The following SECISBP2 variants were observed in gnomAD, a reference collection of about 807,000 sequenced individuals.
SECISBP2 encodes selenocysteine insertion sequence-binding protein 2.
SECISBP2 carries 96 observed loss-of-function variants against 98.2 expected under a neutral mutation model. That is an observed-to-expected ratio of 0.98 (90% CI 0.83 to 1.16). SECISBP2 has a LOEUF of 1.16. Ranked by LOEUF, SECISBP2 falls within the 50% of genes most tolerant of loss-of-function variation. SECISBP2 has a pLI of 0.00. For synonymous variants in SECISBP2, 407 were observed against 370.2 expected (o/e 1.10, Z -1.14); for missense variants, 1,046 against 1,022.9 (o/e 1.02, Z -0.31).
Position 89,325,538 on chromosome 9 carries a change from C to T in SECISBP2, c.294C>T (p.Asp98=), listed in dbSNP as rs1192161278. Residue 98 remains aspartate, a synonymous_variant, in exon 3 of 17, where the codon GAC becomes GAT. Transcript: ENST00000375807. ...HPYAYSPYTL[D]STQNVYSVPG... ...ATGCCTATTCTCCTTATACCCTTGACTCCACACAGAATGTTTACTCAGTGC... is the reference window on the plus strand; with the variant it reads ...ATGCCTATTCTCCTTATACCCTTGATTCCACACAGAATGTTTACTCAGTGC... The T allele has an allele frequency of 3.7e-6, 6 of 1,614,008 alleles. No homozygotes were observed. The highest frequency in any genetic ancestry group is 5.1e-6 in the Non-Finnish European group (6 of 1,180,002).
At chr9:89,340,577 C>T (rs937345162) in intron 9 of SECISBP2, among the ~76,000 whole-genome samples, 19 of 152,182 alleles carry the variant, frequency 1.2e-4, no homozygotes, top group Non-Finnish European at 2.6e-4. Flanking sequence ...TGTGAGTTAA[C>T]TTTCAATTCA....
At chr9:89,320,988 A>G (rs772670758) in intron 2 of SECISBP2, among the ~76,000 whole-genome samples, 13 of 152,270 alleles carry the variant, frequency 8.5e-5, no homozygotes, top group Non-Finnish European at 1.8e-4. Context: ...AAGAATGAGA[A>G]TTGTAATGAA....
Position 89,334,594 on chromosome 9 carries a change from A to T in SECISBP2, c.953A>T (p.Asn318Ile), listed in dbSNP as rs757506788. 1.9e-6 allele frequency: 3 copies of T among 1,614,100 alleles called. No homozygotes were observed. The highest frequency in any genetic ancestry group is 2.2e-5 in the South Asian group (2 of 91,094). The change falls in exon 7 of 17, where the codon AAT becomes ATT. Residue 318 changes from asparagine to isoleucine, a missense_variant. Physicochemically the swap from Asn to Ile is moderately radical, Grantham distance 149. Coordinates refer to ENST00000375807, the MANE Select transcript of SECISBP2 (RefSeq NM_024077.5). ...LSTELSAAPK[N>I]VTSMINLKTI... Reference sequence around the variant, plus strand: ...ACAGAACTGTCAGCAGCCCCTAAAAATGTTACTTCTATGATAAACTTAAAG... The same window carrying T: ...ACAGAACTGTCAGCAGCCCCTAAAATTGTTACTTCTATGATAAACTTAAAG...
chr9:89,343,696 A>G (rs1205065488), intron 10 of SECISBP2, among the ~76,000 whole-genome samples: 1 of 152,250 alleles, frequency 6.6e-6, no homozygotes, highest in South Asian at 2.1e-4. Flanking sequence ...ACTGCATAGT[A>G]TTCCATGGTG....
rs750761569 is a variant in SECISBP2 at position 89,348,110 on chromosome 9, A to G, written c.1634A>G (p.Gln545Arg). The G allele has an allele frequency of 1.2e-6, 2 of 1,613,806 alleles. No homozygotes were observed. The highest frequency in any genetic ancestry group is 2.7e-5 in the African/African-American group (2 of 74,950). The change falls in exon 12 of 17, where the codon CAG (glutamine) becomes CGG (arginine). Residue 545 changes from glutamine to arginine, a missense_variant. Physicochemically the swap from Gln to Arg is conservative, Grantham distance 43. Coordinates refer to ENST00000375807, the MANE Select transcript of SECISBP2 (RefSeq NM_024077.5). ...TTGAAAGAACGGCAAGAGAGAAAGC[A>G]GCGTCTCCAAGAAAATGCTGTGAGT... ...IILKERQERK[Q>R]RLQENAVSPA...
chr9:89,330,948 A>G (rs952621332), intron 5 of SECISBP2, among the ~76,000 whole-genome samples: 21 of 152,220 alleles, frequency 1.4e-4, no homozygotes, highest in Admixed American at 1.2e-3. Context: ...AAGATAGAAG[A>G]TATACATACT....
intron 5 of SECISBP2, among the ~76,000 whole-genome samples, chr9:89,331,179 G>T (rs1827694329): frequency 6.6e-6 from 1 of 152,144 alleles, no homozygotes. Context: ...TTCACCTTGA[G>T]ATTATAAATA....
At position 89,325,530 on chromosome 9, in the gene SECISBP2, AC is replaced by A. The variant is rs1363421644; in HGVS notation, c.289del (p.Asp98ThrfsTer28). ...TLHPYAYSPY[T>X]LDSTQNVYSV... ...TCATCCATATGCCTATTCTCCTTATACCCTTGACTCCACACAGAATGTTTAC... is the reference window on the plus strand; with the variant it reads ...TCATCCATATGCCTATTCTCCTTATACCTTGACTCCACACAGAATGTTTAC... On this transcript the variant is annotated frameshift_variant, in exon 3 of 17. Coordinates refer to ENST00000375807, the MANE Select transcript of SECISBP2 (RefSeq NM_024077.5). LOFTEE classifies it high-confidence loss of function. The A allele has an allele frequency of 6.2e-7, 1 of 1,613,864 alleles. No individual in the cohort carries two copies. Among genetic ancestry groups the A allele is most frequent in the East Asian group, 2.2e-5 (1 of 44,864 alleles).
chr9:89,346,787 G>T, intron 10 of SECISBP2, 95 bp from the exon 11 acceptor site: 1 of 1,482,222 alleles, frequency 6.7e-7, no homozygotes, highest in African/African-American at 1.4e-5. Context: ...AACTCCTTCA[G>T]ATACCCTGAG....
chr9:89,346,586 TACTGAGAA>T (rs1329701769), intron 10 of SECISBP2, among the ~76,000 whole-genome samples: 11 of 137,542 alleles, frequency 8.0e-5, no homozygotes, highest in Non-Finnish European at 1.9e-4. Flanking sequence ...TATTAGACTG[TACTGAGAA>T]ACATGGGAGA....
Position 89,349,820 on chromosome 9 carries a change from G to A in SECISBP2, c.1783G>A (p.Asp595Asn). ...DELISTPSVE[D>N]KSEEPPGTEL... Reference sequence around the variant, plus strand: ...ACTGATCTCCACTCCTTCGGTTGAGGACAAGTCTGAAGAGCCACCAGGCAC... The same window carrying A: ...ACTGATCTCCACTCCTTCGGTTGAGAACAAGTCTGAAGAGCCACCAGGCAC... The change falls in exon 13 of 17, where the codon GAC becomes AAC. Residue 595 changes from aspartate to asparagine, a missense_variant. By Grantham distance (23) the Asp-to-Asn change is conservative (BLOSUM62 1). Coordinates refer to ENST00000375807, the MANE Select transcript of SECISBP2 (RefSeq NM_024077.5). 1 of 1,614,184 alleles carries A rather than the reference G, an allele frequency of 6.2e-7. No homozygotes were observed. Among genetic ancestry groups the A allele is most frequent in the Non-Finnish European group, 8.5e-7 (1 of 1,180,024 alleles).
chr9:89,337,483 T>C (rs903616127), intron 7 of SECISBP2, among the ~76,000 whole-genome samples: 6 of 152,246 alleles, frequency 3.9e-5, no homozygotes, highest in African/African-American at 1.2e-4. Context: ...GCATATGTCC[T>C]GCCTCAGACT....
intron 2 of SECISBP2, chr9:89,325,078 C>T (rs574101669): frequency 4.5e-5 from 15 of 331,462 alleles, no homozygotes; most frequent in Non-Finnish European, 6.9e-5. Flanking sequence ...TGGGTCTCCC[C>T]GCAGCAGAGA....
chr9:89,330,413 A>G (rs1364715543), intron 5 of SECISBP2: 1 of 152,252 alleles, frequency 6.6e-6, no homozygotes, highest in African/African-American at 2.4e-5. Flanking sequence ...AGTACATGCC[A>G]GTACGAAGGC....
At chr9:89,343,873 G>A (rs190639414) in intron 10 of SECISBP2, among the ~76,000 whole-genome samples, 17 of 152,260 alleles carry the variant, frequency 1.1e-4, no homozygotes, top group African/African-American at 3.6e-4. Context: ...GGGATTGCTG[G>A]GTCAAATGGT....
downstream of SECISBP2, chr9:89,363,994 C>T (rs765747504): frequency 1.2e-6 from 2 of 1,613,816 alleles, no homozygotes; most frequent in Non-Finnish European, 1.7e-6. Context: ...ACATTTAGGA[C>T]CCAAAGAAGC....
chr9:89,363,642 A>G (rs1833108832), downstream of SECISBP2: 1 of 1,591,688 alleles, frequency 6.3e-7, no homozygotes, highest in Non-Finnish European at 8.6e-7. Context: ...CCAGAATGCC[A>G]CCGTGCAAGC....
downstream of SECISBP2, chr9:89,363,494 A>C (rs780825397): frequency 1.3e-5 from 21 of 1,613,940 alleles, no homozygotes; most frequent in South Asian, 2.3e-4. Context: ...CCAGGCAGAG[A>C]GCTCTCTGGT....
chr9:89,363,679 C>T, downstream of SECISBP2: 1 of 1,591,212 alleles, frequency 6.3e-7, no homozygotes, highest in Non-Finnish European at 8.6e-7. Flanking sequence ...TTTTTCACTG[C>T]CATTGTAAAT....
Sources: gnomAD v4.1 joint callset for allele counts (sites outside exome capture counted in the v4.1 genomes callset) on GRCh38, gnomAD v4.1.1 for gene constraint, MANE v1.5 for transcripts, NCBI Gene and HGNC (gene_info 2026-07-23, HGNC 2026-07-21) for gene names.